The following PTPN14 variants were observed in gnomAD, a reference collection of about 807,000 sequenced individuals.
PTPN14 encodes protein tyrosine phosphatase non-receptor type 14.
In PTPN14, 53 loss-of-function variants were observed where a neutral mutation model predicts 126.8. The observed-to-expected ratio is 0.42, with a 90% CI of 0.34 to 0.53. The LOEUF is 0.53. PTPN14 is among the 20% of genes least tolerant of loss of function. PTPN14 has a pLI of 0.08. For missense variants in PTPN14, 1,257 were observed against 1,552.9 expected (o/e 0.81, Z 3.20); for synonymous variants, 630 against 599.3 (o/e 1.05, Z -0.75).
chr1:214,419,243 T>C (rs1173647141), intron 3 of PTPN14, among the ~76,000 whole-genome samples: 1 of 152,218 alleles, frequency 6.6e-6, no homozygotes, highest in Admixed American at 6.5e-5. Context: ...AAGCACTCTG[T>C]AAGCTGTAAC....
chr1:214,437,421 T>C (rs918091998), intron 3 of PTPN14, among the ~76,000 whole-genome samples: 4 of 152,114 alleles, frequency 2.6e-5, no homozygotes, highest in Non-Finnish European at 4.4e-5. Flanking sequence ...CTTATAGGAA[T>C]AATAAATTTA....
chr1:214,379,190 A>C (rs1462260667), intron 13 of PTPN14, among the ~76,000 whole-genome samples: 1 of 152,212 alleles, frequency 6.6e-6, no homozygotes, highest in Non-Finnish European at 1.5e-5. Context: ...ATTCACAATG[A>C]AGGGCAACCA....
At chr1:214,442,093 A>T (rs1269970370) in intron 3 of PTPN14, among the ~76,000 whole-genome samples, 1 of 152,242 alleles carries the variant, frequency 6.6e-6, no homozygotes, top group Non-Finnish European at 1.5e-5. Flanking sequence ...TTTTGAGAAA[A>T]GTTCCAAATA....
intron 5 of PTPN14, among the ~76,000 whole-genome samples, chr1:214,403,571 G>A (rs912435036): frequency 1.1e-4 from 16 of 152,176 alleles, no homozygotes; most frequent in Non-Finnish European, 2.1e-4. Context: ...AACCTGTGAT[G>A]TGCTGACTAC....
At chr1:214,479,022 A>G (rs1185749763) in intron 1 of PTPN14, among the ~76,000 whole-genome samples, 1 of 152,050 alleles carries the variant, frequency 6.6e-6, no homozygotes, top group Non-Finnish European at 1.5e-5. Context: ...TGCTTAAAAA[A>G]AAAAAAGGAT....
At chr1:214,369,944 T>C (rs1178846652) in intron 16 of PTPN14, among the ~76,000 whole-genome samples, 1 of 152,116 alleles carries the variant, frequency 6.6e-6, no homozygotes. Flanking sequence ...TAGAGAGAAG[T>C]GCAAGTGCAG....
intron 3 of PTPN14, among the ~76,000 whole-genome samples, chr1:214,430,275 G>A (rs1659770619): frequency 6.6e-6 from 1 of 152,084 alleles, no homozygotes; most frequent in South Asian, 2.1e-4. Flanking sequence ...GAGATAACAG[G>A]CTTATAGCCC....
intron 5 of PTPN14, among the ~76,000 whole-genome samples, chr1:214,409,196 T>C (rs1006333512): frequency 1.3e-5 from 2 of 152,206 alleles, no homozygotes; most frequent in African/African-American, 4.8e-5. Flanking sequence ...CCAGAACTTA[T>C]TCCTAACTTT....
intron 1 of PTPN14, among the ~76,000 whole-genome samples, chr1:214,508,031 G>A (rs1441951253): frequency 2.6e-5 from 4 of 152,136 alleles, no homozygotes; most frequent in Non-Finnish European, 5.9e-5. Flanking sequence ...AAAAGGCTAA[G>A]GATCATCTAA....
At chr1:214,415,067 C>T (rs771745924) in intron 3 of PTPN14, among the ~76,000 whole-genome samples, 3 of 150,312 alleles carry the variant, frequency 2.0e-5, no homozygotes, top group South Asian at 2.1e-4. Context: ...CACGACAACA[C>T]GACTGCCAAA....
intron 1 of PTPN14, among the ~76,000 whole-genome samples, chr1:214,513,714 T>C (rs138342668): frequency 6.6e-6 from 1 of 152,178 alleles, no homozygotes; most frequent in Non-Finnish European, 1.5e-5. Flanking sequence ...CTGCTAGCTG[T>C]GTCAGTTGAG....
intron 3 of PTPN14, among the ~76,000 whole-genome samples, chr1:214,434,541 G>A (rs1659869496): frequency 6.6e-6 from 1 of 152,072 alleles, no homozygotes; most frequent in East Asian, 1.9e-4. Context: ...GGCATCCAAT[G>A]GTAGTAGAGA....
intron 1 of PTPN14, among the ~76,000 whole-genome samples, chr1:214,515,426 A>G (rs1655075444): frequency 6.6e-6 from 1 of 151,720 alleles, no homozygotes; most frequent in Admixed American, 6.6e-5. Flanking sequence ...TTTTTCCAAG[A>G]CTGTTTGACT....
At chr1:214,498,787 T>A (rs1654608855) in intron 1 of PTPN14, among the ~76,000 whole-genome samples, 1 of 152,200 alleles carries the variant, frequency 6.6e-6, no homozygotes, top group Non-Finnish European at 1.5e-5. Context: ...CCATACCCTT[T>A]AAAATTTTTT....
chr1:214,546,912 C>T (rs1437197921), intron 1 of PTPN14, among the ~76,000 whole-genome samples: 1 of 152,002 alleles, frequency 6.6e-6, no homozygotes, highest in Non-Finnish European at 1.5e-5. Flanking sequence ...TGAAGAAAAT[C>T]AAACAAAAGC....
At chr1:214,360,164 A>G (rs1657921317) in intron 18 of PTPN14, among the ~76,000 whole-genome samples, 1 of 152,198 alleles carries the variant, frequency 6.6e-6, no homozygotes, top group African/African-American at 2.4e-5. Context: ...GAAAATAATA[A>G]AAACTCAGCT....
chr1:214,511,778 A>T (rs955112641), intron 1 of PTPN14, among the ~76,000 whole-genome samples: 1 of 152,258 alleles, frequency 6.6e-6, no homozygotes, highest in African/African-American at 2.4e-5. Flanking sequence ...CCAAGTGTCC[A>T]TCAACACATG....
At chr1:214,533,210 T>G in intron 1 of PTPN14, 1 of 685,064 alleles carries the variant, frequency 1.5e-6, no homozygotes, top group East Asian at 3.1e-5. Context: ...CTGCTGCACC[T>G]GGCGTCAGGG....
At position 214,450,332 on chromosome 1, in the gene PTPN14, C is replaced by G. The variant is rs141523286; in HGVS notation, c.344+1473G>C. ...ACCATAAATACAAAAATTAGCCAGCCGTGGTGGCAGGCGCCTATAATCCCA... is the reference window on the plus strand; with the variant it reads ...ACCATAAATACAAAAATTAGCCAGCGGTGGTGGCAGGCGCCTATAATCCCA... On this transcript the variant is annotated intron_variant, in intron 3 of 18. Coordinates refer to ENST00000366956, the MANE Select transcript of PTPN14 (RefSeq NM_005401.5). Among the ~76,000 whole-genome samples, 487 of 151,464 alleles carry G rather than the reference C, an allele frequency of 3.2e-3. 4 individuals carry two copies. The highest frequency in any genetic ancestry group is 0.011 in the African/African-American group (449 of 41,316).
Sources: allele counts gnomAD v4.1 joint callset (sites outside exome capture counted in the v4.1 genomes callset), GRCh38; gene constraint gnomAD v4.1.1; transcripts MANE v1.5; gene names NCBI Gene and HGNC (gene_info 2026-07-23, HGNC 2026-07-21).